The following SLC18A1 variants were observed in gnomAD, a reference collection of about 807,000 sequenced individuals.
The protein encoded by SLC18A1 is chromaffin granule amine transporter.
SLC18A1 carries 69 observed loss-of-function variants against 53.7 expected under a neutral mutation model. The ratio of observed to expected loss-of-function variants is 1.28; its 90% confidence interval spans 1.06 to 1.57. The LOEUF (loss-of-function observed/expected upper bound fraction) is 1.57. Ranked by LOEUF, SLC18A1 falls within the 40% of genes most tolerant of loss-of-function variation. The pLI is 0.00. For missense variants in SLC18A1, 932 were observed against 668.1 expected, an observed-to-expected ratio of 1.40 and a Z score of -4.35; for synonymous variants, 320 against 248.1, an observed-to-expected ratio of 1.29 and a Z score of -2.72.
chr8:20,168,138 A>G (rs1469349627), intron 8 of SLC18A1, among the ~76,000 whole-genome samples: 1 of 152,136 alleles, frequency 6.6e-6, no homozygotes, highest in African/African-American at 2.4e-5. Context: ...CAATTTGAGC[A>G]TCAAAATAAT....
chr8:20,153,051 G>A (rs547054580), intron 10 of SLC18A1, among the ~76,000 whole-genome samples: 12 of 152,142 alleles, frequency 7.9e-5, no homozygotes, highest in Non-Finnish European at 1.6e-4. Flanking sequence ...TGATGGTGAA[G>A]GGACGGGAGT....
At position 20,171,405 on chromosome 8, in the gene SLC18A1, C is replaced by G. The variant is rs775998946; in HGVS notation, c.814G>C (p.Ala272Pro). ...GCTGGAGGCTCTGATGGTGACTTACCTCCATCCAGTAGTGCCAGGAAGGCC... is the reference window on the plus strand; with the variant it reads ...GCTGGAGGCTCTGATGGTGACTTACGTCCATCCAGTAGTGCCAGGAAGGCC... ...ILAFLALLDG[A>P]LQLCILQPSK... Residue 272 changes from alanine to proline, a missense_variant and splice_region_variant, in exon 7 of 16, where the codon GCA (alanine) becomes CCA (proline). Coordinates refer to ENST00000276373, the MANE Select transcript of SLC18A1 (RefSeq NM_003053.4). 5 of 1,613,200 alleles carry G rather than the reference C, an allele frequency of 3.1e-6. No homozygotes were observed. The South Asian group carries it at 5.5e-5, about 18-fold the overall frequency.
rs570709678 is a variant in SLC18A1, at chr8:20,175,259, G to C, written c.548-815C>G. Reference sequence around the variant, plus strand: ...TATCCTATTCTTTTTTCAAGGTTCTGAGATCTCATATTGTTCAAACACACA... The same window carrying C: ...TATCCTATTCTTTTTTCAAGGTTCTCAGATCTCATATTGTTCAAACACACA... On this transcript the variant is annotated intron_variant, in intron 4 of 15. Transcript: ENST00000276373. 6 of 152,290 alleles carry C rather than the reference G, an allele frequency of 3.9e-5. No individual in the cohort carries two copies. The East Asian group carries it at 1.2e-3, about 29-fold the overall frequency. 9.4% of individuals were successfully genotyped at this position (152,290 alleles called of 1,614,324 possible).
chr8:20,168,251 C>G (rs1261636715), intron 8 of SLC18A1, among the ~76,000 whole-genome samples: 1 of 151,484 alleles, frequency 6.6e-6, no homozygotes, highest in Admixed American at 6.6e-5. Context: ...TGTGTAGTCT[C>G]AGCTACTCAA....
At chr8:20,174,315 T>G in intron 5 of SLC18A1, 46 bp downstream of exon 5, 1 of 1,263,684 alleles carries the variant, frequency 7.9e-7, no homozygotes, top group Non-Finnish European at 1.2e-6. Flanking sequence ...GATGTGTGTG[T>G]GTGCATGCCT....
At chr8:20,166,289 CTATA>C (rs1181101416) in intron 8 of SLC18A1, among the ~76,000 whole-genome samples, 163 of 107,238 alleles carry the variant, frequency 1.5e-3, no homozygotes, top group African/African-American at 4.7e-3. Flanking sequence ...GTGTGTGTGT[CTATA>C]TATATATATA....
chr8:20,149,851 C>G, intron 11 of SLC18A1, 124 bp from the exon 12 acceptor site: 1 of 814,162 alleles, frequency 1.2e-6, no homozygotes, highest in Non-Finnish European at 2.1e-6. Flanking sequence ...GACCTGAGGA[C>G]AGCATCCCTA....
chr8:20,177,333 G>A (rs2072276706), intron 4 of SLC18A1, among the ~76,000 whole-genome samples: 1 of 152,076 alleles, frequency 6.6e-6, no homozygotes, highest in East Asian at 1.9e-4. Flanking sequence ...GTTCTGTGCT[G>A]GGAAAGAAGA....
chr8:20,154,310 G>C (rs1317221202), intron 10 of SLC18A1, among the ~76,000 whole-genome samples: 1 of 152,156 alleles, frequency 6.6e-6, no homozygotes, highest in African/African-American at 2.4e-5. Flanking sequence ...AAGATCCACA[G>C]TTATCCACCT....
chr8:20,167,579 T>A (rs2072000207), intron 8 of SLC18A1, among the ~76,000 whole-genome samples: 2 of 152,088 alleles, frequency 1.3e-5, no homozygotes, highest in Non-Finnish European at 2.9e-5. Context: ...GTGACCCCAA[T>A]GGCAAAGAGC....
chr8:20,145,824 T>A lies in SLC18A1; in HGVS notation c.1517A>T (p.Lys506Met), dbSNP rs752429311. The A allele has an allele frequency of 2.5e-5, 41 of 1,612,410 alleles. No homozygotes were observed. In the East Asian group the frequency reaches 8.3e-4, roughly 32 times the overall value. ...CCCCAGAGGAAATTCCTTCGTGGGC[T>A]TCTGGGTTGCATACATCCGGGTCTC... is the stretch of plus-strand genomic sequence containing the variant. ...PMETRMYATQ[K>M]PTKEFPLGED... Residue 506 changes from lysine to methionine, a missense_variant, in exon 16 of 16, where the codon AAG becomes ATG. Transcript: ENST00000276373.
chr8:20,147,963 C>G, intron 13 of SLC18A1, 44 bp downstream of exon 13: 1 of 1,600,082 alleles, frequency 6.2e-7, no homozygotes, highest in South Asian at 1.1e-5. Context: ...AGACCCAAAG[C>G]CAACATGCAG....
intron 8 of SLC18A1, among the ~76,000 whole-genome samples, chr8:20,167,705 C>T (rs934339225): frequency 6.6e-6 from 1 of 152,060 alleles, no homozygotes; most frequent in Non-Finnish European, 1.5e-5. Flanking sequence ...ACTGCAAGCT[C>T]CTCCTCCTGG....
In SLC18A1 at chr8:20,156,257, C is replaced by CA. The variant is rs34048931; in HGVS notation, c.1016-5514dup. Among the ~76,000 whole-genome samples the CA allele has an allele frequency of 6.5e-3, 863 of 132,170 alleles. 5 individuals are homozygous for CA. The highest frequency in any genetic ancestry group is 0.015 in the African/African-American group (549 of 35,690). The allele number at this position is 132,170 out of a possible 152,430, so 86.7% of individuals were successfully genotyped here. A position where few individuals can be genotyped will look rare whatever the true frequency, so the allele number is the denominator to read the frequency against. The stretch of plus-strand genomic sequence containing the variant: ...TCACCAGTTCAGAACTATCCTAAGT[C>CA]AAAAAAAAAAAAAAAAGTAGCTTAC... On this transcript the variant is annotated intron_variant, in intron 10 of 15. Coordinates refer to ENST00000276373, the MANE Select transcript of SLC18A1 (RefSeq NM_003053.4).
chr8:20,172,214 A>T (rs2128877773), intron 6 of SLC18A1, among the ~76,000 whole-genome samples: 1 of 152,342 alleles, frequency 6.6e-6, no homozygotes, highest in Middle Eastern at 3.4e-3. Flanking sequence ...AAGCTTGTTC[A>T]TTTGGGAGCT....
At chr8:20,155,596 C>G (rs1052977659) in intron 10 of SLC18A1, among the ~76,000 whole-genome samples, 6 of 152,164 alleles carry the variant, frequency 3.9e-5, no homozygotes, top group Non-Finnish European at 7.4e-5. Context: ...GTGTGCACCC[C>G]TACCTCTTCT....
At position 20,156,911 on chromosome 8, in the gene SLC18A1, G is replaced by A. The variant is rs147214838; in HGVS notation, c.1016-6167C>T. On this transcript the variant is annotated intron_variant, in intron 10 of 15. Coordinates refer to ENST00000276373, the MANE Select transcript of SLC18A1 (RefSeq NM_003053.4). ...CATCTTGATGGGGCAACTGGGTTGC[G>A]CAGCCCAGCTCAAGAACTCACCCCT... is the stretch of plus-strand genomic sequence containing the variant. 1.8e-3 allele frequency among the ~76,000 whole-genome samples: 271 copies of A among 152,268 alleles called. 1 individual carries two copies. The highest frequency in any genetic ancestry group is 5.8e-3 in the African/African-American group (242 of 41,554).
intron 4 of SLC18A1, 142 bp downstream of exon 4, chr8:20,178,293 G>T: frequency 1.5e-6 from 1 of 656,524 alleles, no homozygotes; most frequent in Non-Finnish European, 2.6e-6. Context: ...ACCAAAAACA[G>T]CAGAGCATTT....
chr8:20,182,691 A>G (rs562583808), intron 1 of SLC18A1, among the ~76,000 whole-genome samples: 54 of 152,342 alleles, frequency 3.5e-4, no homozygotes, highest in African/African-American at 1.2e-3. Flanking sequence ...GAACCCTCTC[A>G]CTACTACATA....
Sources: gnomAD v4.1 joint callset for allele counts (sites outside exome capture counted in the v4.1 genomes callset) on GRCh38, gnomAD v4.1.1 for gene constraint, MANE v1.5 for transcripts, NCBI Gene and HGNC (gene_info 2026-07-23, HGNC 2026-07-21) for gene names.